FRMD3: variants seen among roughly 807,000 people sequenced by gnomAD.
FRMD3 encodes the protein FERM domain containing 3, also known as FERM domain-containing protein 3.
In FRMD3, 33 loss-of-function variants were observed where a neutral mutation model predicts 70.2. The ratio of observed to expected loss-of-function variants is 0.47; its 90% CI spans 0.36 to 0.63. The LOEUF is 0.63. Among genes scored for constraint, FRMD3 ranks in the 20% least tolerant of loss-of-function variants. FRMD3 has a pLI of 0.00. For synonymous variants in FRMD3, 279 were observed against 255.9 expected, an observed-to-expected ratio of 1.09 and a Z score of -0.86; for missense variants, 632 against 711.4, an observed-to-expected ratio of 0.89 and a Z score of 1.27.
intron 1 of FRMD3, among the ~76,000 whole-genome samples, chr9:83,516,573 A>T (rs1423510091): frequency 6.6e-6 from 1 of 152,226 alleles, no homozygotes; most frequent in Non-Finnish European, 1.5e-5. Context: ...CGAGACAGAA[A>T]ATTAACAAGG....
the FRMD3 span, among the ~76,000 whole-genome samples, chr9:83,549,165 T>C: frequency 6.6e-6 from 1 of 152,070 alleles, no homozygotes; most frequent in African/African-American, 2.4e-5. Context: ...TCATAAGTTC[T>C]TATCATTTAG....
intron 10 of FRMD3, among the ~76,000 whole-genome samples, chr9:83,306,776 A>G (rs1835151920): frequency 6.6e-6 from 1 of 152,204 alleles, no homozygotes; most frequent in South Asian, 2.1e-4. Flanking sequence ...CAGATCTGAC[A>G]TGTTGGTATG....
intron 6 of FRMD3, among the ~76,000 whole-genome samples, chr9:83,333,165 T>C (rs1403838672): frequency 2.0e-5 from 3 of 152,210 alleles, no homozygotes; most frequent in Non-Finnish European, 2.9e-5. Context: ...TGATGCTGAA[T>C]GAAATACAGA....
At position 83,462,023 on chromosome 9, in the gene FRMD3, G is replaced by A. The variant is rs1005439659; in HGVS notation, c.148-72315C>T. Among the ~76,000 whole-genome samples, 5 of 152,164 alleles carry A rather than the reference G, an allele frequency of 3.3e-5. No individual in the cohort carries two copies. In the South Asian group the frequency reaches 1.0e-3, roughly 32 times the overall value. ...AAAGATTCTCTTAGGAATACTATTA[G>A]CCAACTCACTTCATTTTACAGAGCC... On this transcript the variant is annotated intron_variant, in intron 1 of 13. Coordinates refer to ENST00000304195, the MANE Select transcript of FRMD3 (RefSeq NM_174938.6).
chr9:83,522,042 G>A (rs1829582296), intron 1 of FRMD3, among the ~76,000 whole-genome samples: 1 of 152,196 alleles, frequency 6.6e-6, no homozygotes, highest in Admixed American at 6.5e-5. Context: ...GAGGGTGAAC[G>A]TCTAGTAGGA....
At chr9:83,399,605 G>A (rs1825897305) in intron 1 of FRMD3, among the ~76,000 whole-genome samples, 1 of 152,120 alleles carries the variant, frequency 6.6e-6, no homozygotes, top group African/African-American at 2.4e-5. Flanking sequence ...TTAACAAAGT[G>A]AGTTTTTTTC....
At chr9:83,266,930 C>A (rs1833284550) in intron 13 of FRMD3, 2 of 1,400,282 alleles carry the variant, frequency 1.4e-6, no homozygotes, top group South Asian at 1.3e-5. Flanking sequence ...TCACCCTGGG[C>A]CTCTCTCCAC....
intron 1 of FRMD3, among the ~76,000 whole-genome samples, chr9:83,460,393 C>G (rs548968462): frequency 6.6e-6 from 1 of 152,262 alleles, no homozygotes; most frequent in South Asian, 2.1e-4. Context: ...CCAATTTAAC[C>G]CACCTATCAT....
At chr9:83,382,595 T>C (rs187504878) in intron 2 of FRMD3, among the ~76,000 whole-genome samples, 23 of 152,228 alleles carry the variant, frequency 1.5e-4, no homozygotes, top group Non-Finnish European at 2.6e-4. Flanking sequence ...CTGAACAATT[T>C]CCTAAAATAG....
chr9:83,507,737 T>TATA (rs1395414042), intron 1 of FRMD3, among the ~76,000 whole-genome samples: 3 of 106,826 alleles, frequency 2.8e-5, no homozygotes, highest in Non-Finnish European at 6.1e-5. Flanking sequence ...TATATATATA[T>TATA]ATCTTCTGGA....
the FRMD3 span, among the ~76,000 whole-genome samples, chr9:83,548,415 T>C: frequency 6.6e-6 from 1 of 152,132 alleles, no homozygotes; most frequent in African/African-American, 2.4e-5. Context: ...AGCTATCAAG[T>C]CATGAAGAGA....
Position 83,375,701 on chromosome 9 carries a change from A to C in FRMD3, c.253-2746T>G, listed in dbSNP as rs191357633. On this transcript the variant is annotated intron_variant, in intron 2 of 13. Transcript: ENST00000304195. The stretch of plus-strand genomic sequence containing the variant: ...ATGGGCACATAGAGGGGAACAACAC[A>C]CACTGGGGCCTATCAGAGGGTGGAG... Among the ~76,000 whole-genome samples the C allele has an allele frequency of 2.5e-4, 38 of 152,340 alleles. No individual in the cohort carries two copies. In the East Asian group the frequency reaches 6.9e-3, roughly 28 times the overall value.
intron 1 of FRMD3, among the ~76,000 whole-genome samples, chr9:83,432,457 C>T (rs781450499): frequency 6.6e-6 from 1 of 152,186 alleles, no homozygotes; most frequent in Non-Finnish European, 1.5e-5. Context: ...GTGGCCCCCT[C>T]CCTCAGCCTG....
At chr9:83,486,117 T>G (rs929159694) in intron 1 of FRMD3, among the ~76,000 whole-genome samples, 13 of 152,258 alleles carry the variant, frequency 8.5e-5, no homozygotes, top group Non-Finnish European at 1.3e-4. Context: ...CTCAAGAACA[T>G]ATTTATTTAT....
chr9:83,508,271 T>C (rs1260124742), intron 1 of FRMD3, among the ~76,000 whole-genome samples: 1 of 152,186 alleles, frequency 6.6e-6, no homozygotes, highest in East Asian at 1.9e-4. Flanking sequence ...CAGGAAGTGG[T>C]GCCTGTGAGG....
At chr9:83,300,112 C>T (rs1033879523) in intron 10 of FRMD3, among the ~76,000 whole-genome samples, 1 of 152,238 alleles carries the variant, frequency 6.6e-6, no homozygotes, top group Non-Finnish European at 1.5e-5. Flanking sequence ...AAGACATGCA[C>T]GGAGCCAGGG....
chr9:83,442,397 A>G (rs939830216), intron 1 of FRMD3, among the ~76,000 whole-genome samples: 1 of 151,528 alleles, frequency 6.6e-6, no homozygotes, highest in Non-Finnish European at 1.5e-5. Flanking sequence ...AACTGGGACT[A>G]CAGGTGTACA....
At chr9:83,254,423 CA>C (rs1832594569) in intron 13 of FRMD3, among the ~76,000 whole-genome samples, 3 of 149,940 alleles carry the variant, frequency 2.0e-5, no homozygotes, top group African/African-American at 7.3e-5. Context: ...AAACAAAAAA[CA>C]AAAAGCTAGA....
intron 13 of FRMD3, among the ~76,000 whole-genome samples, chr9:83,289,224 C>T (rs1438770048): frequency 3.3e-5 from 5 of 152,172 alleles, no homozygotes; most frequent in African/African-American, 9.7e-5. Context: ...TCCTGAAAAA[C>T]ACAGACAAGC....
Sources: allele counts gnomAD v4.1 joint callset (sites outside exome capture counted in the v4.1 genomes callset), GRCh38; gene constraint gnomAD v4.1.1; transcripts MANE v1.5; gene names NCBI Gene and HGNC (gene_info 2026-07-23, HGNC 2026-07-21).